The following MYO1E variants were observed in gnomAD, a reference collection of about 807,000 sequenced individuals.
MYO1E encodes the protein myosin IE, also known as unconventional myosin-Ie.
A neutral mutation model predicts 151.1 loss-of-function variants in MYO1E; 68 were observed. That is an observed-to-expected ratio of 0.45 (90% CI 0.37 to 0.55). The LOEUF (loss-of-function observed/expected upper bound fraction) is 0.55. Ranked by LOEUF, MYO1E falls within the 20% of genes least tolerant of loss-of-function variation. The pLI is 0.00. For missense variants in MYO1E, 1,363 were observed against 1,389.3 expected (o/e 0.98, Z 0.30); for synonymous variants, 601 against 501.7 (o/e 1.20, Z -2.64).
chr15:59,205,601 G>T (rs2079828706), intron 14 of MYO1E, 116 bp from the exon 15 acceptor site: 2 of 908,908 alleles, frequency 2.2e-6, no homozygotes, highest in African/African-American at 1.6e-5. Flanking sequence ...AGCTGTCATG[G>T]CTACCCTCAC....
At chr15:59,315,732 A>G (rs182750190) in intron 1 of MYO1E, among the ~76,000 whole-genome samples, 1 of 152,192 alleles carries the variant, frequency 6.6e-6, no homozygotes, top group Non-Finnish European at 1.5e-5. Context: ...AAATGATCAC[A>G]TTAACCTCTT....
chr15:59,304,182 C>A (rs187174106), intron 1 of MYO1E, among the ~76,000 whole-genome samples: 4 of 152,154 alleles, frequency 2.6e-5, no homozygotes, highest in Admixed American at 6.5e-5. Context: ...GAGGTTTCAC[C>A]ATGTTGGTCA....
chr15:59,324,027 A>T (rs1372379725), intron 1 of MYO1E, among the ~76,000 whole-genome samples: 11 of 152,106 alleles, frequency 7.2e-5, no homozygotes, highest in Admixed American at 7.2e-4. Context: ...GAGATTCAAG[A>T]TCTAATCTGG....
At chr15:59,275,365 A>G (rs1183978257) in intron 1 of MYO1E, among the ~76,000 whole-genome samples, 4 of 152,074 alleles carry the variant, frequency 2.6e-5, no homozygotes, top group Non-Finnish European at 4.4e-5. Flanking sequence ...AATAGGTCAC[A>G]TATCAGTTTC....
chr15:59,321,808 T>C (rs1209109562), intron 1 of MYO1E, among the ~76,000 whole-genome samples: 2 of 150,088 alleles, frequency 1.3e-5, no homozygotes. Context: ...GCCCAGGAGG[T>C]TGAGCCGAGA....
chr15:59,227,625 G>C lies in MYO1E; in HGVS notation c.511-35C>G, dbSNP rs762176094. 4 of 1,612,948 alleles carry C rather than the reference G, an allele frequency of 2.5e-6. No homozygotes were observed. In the East Asian group the frequency reaches 6.7e-5, roughly 27 times the overall value. On this transcript the variant is annotated intron_variant, in intron 6 of 27. Transcript: ENST00000288235. ...AGTTAGGGATTTCCTTCAATGGTTG[G>C]TGAACAAAACATGATGTCCCAAACA...
At chr15:59,166,421 A>C (rs1172356466) in intron 22 of MYO1E, among the ~76,000 whole-genome samples, 3 of 152,062 alleles carry the variant, frequency 2.0e-5, no homozygotes, top group Non-Finnish European at 4.4e-5. Flanking sequence ...TTGTTTTTTT[A>C]TTCCTCTGTC....
intron 1 of MYO1E, among the ~76,000 whole-genome samples, chr15:59,320,054 C>T (rs1281370901): frequency 6.6e-6 from 1 of 152,130 alleles, no homozygotes; most frequent in African/African-American, 2.4e-5. Flanking sequence ...TGAGCCAAAT[C>T]AAGAATGCAA....
intron 19 of MYO1E, among the ~76,000 whole-genome samples, chr15:59,175,671 T>C (rs539422832): frequency 1.3e-5 from 2 of 152,314 alleles, no homozygotes; most frequent in East Asian, 1.9e-4. Context: ...TGTAAGAATA[T>C]CCATTGATAT....
At chr15:59,200,028 C>G (rs1349190871) in intron 16 of MYO1E, among the ~76,000 whole-genome samples, 1 of 152,174 alleles carries the variant, frequency 6.6e-6, no homozygotes, top group Admixed American at 6.5e-5. Flanking sequence ...CTTGACCTCC[C>G]TAGACAAGGG....
In MYO1E at chr15:59,259,028, C is replaced by G. The variant is rs148438472; in HGVS notation, c.237+2392G>C. 3.0e-3 allele frequency among the ~76,000 whole-genome samples: 454 copies of G among 151,706 alleles called. 2 individuals carry two copies. The highest frequency in any genetic ancestry group is 0.01 in the African/African-American group (429 of 41,492). On this transcript the variant is annotated intron_variant, in intron 3 of 27. Transcript: ENST00000288235. ...CCCAGGCTGGTCTTGAACTCCTGGG[C>G]TCCAGTGATCCTCCCACCTTGGCTT...
chr15:59,206,582 T>C (rs2079835502), intron 14 of MYO1E: 1 of 231,476 alleles, frequency 4.3e-6, no homozygotes, highest in Non-Finnish European at 8.4e-6. Flanking sequence ...CTTATTTTCA[T>C]CTGTAGTTAA....
In MYO1E at chr15:59,209,051, C is replaced by T. The variant is rs190159373; in HGVS notation, c.1363-203G>A. On this transcript the variant is annotated intron_variant, in intron 13 of 27. Coordinates refer to ENST00000288235, the MANE Select transcript of MYO1E (RefSeq NM_004998.4). ...AGATCTAAAGAGGGAGGAAACTCCA[C>T]TTTCCAAAAAGCTGTTTAACTCCCT... is the stretch of plus-strand genomic sequence containing the variant. The T allele has an allele frequency of 2.9e-5, 19 of 650,892 alleles. No homozygotes were observed. In the East Asian group the frequency reaches 5.3e-4, roughly 18 times the overall value. The allele number at this position is 650,892 out of a possible 1,614,324, so 40.3% of individuals were successfully genotyped here.
At chr15:59,291,682 T>TAAA (rs1182076268) in intron 1 of MYO1E, among the ~76,000 whole-genome samples, 52 of 7,808 alleles carry the variant, frequency 6.7e-3, no homozygotes, top group Non-Finnish European at 0.011. Flanking sequence ...CTAAAAATAC[T>TAAA]AAAAAAAAAA....
chr15:59,370,418 A>G (rs1484324099), intron 1 of MYO1E, among the ~76,000 whole-genome samples: 3 of 152,274 alleles, frequency 2.0e-5, no homozygotes, highest in African/African-American at 4.8e-5. Flanking sequence ...CTCTGGATCC[A>G]GTAGATCTAT....
intron 1 of MYO1E, among the ~76,000 whole-genome samples, chr15:59,299,378 G>A (rs762337214): frequency 2.0e-5 from 3 of 152,136 alleles, no homozygotes; most frequent in Admixed American, 6.5e-5. Flanking sequence ...TTAAATAGCC[G>A]CCGCACTCTT....
intron 18 of MYO1E, among the ~76,000 whole-genome samples, chr15:59,185,068 G>A (rs2079687582): frequency 6.6e-6 from 1 of 152,146 alleles, no homozygotes; most frequent in African/African-American, 2.4e-5. Flanking sequence ...ATGCCTGTCT[G>A]CCATCAGCAT....
chr15:59,345,328 T>A (rs1372091976), intron 1 of MYO1E, among the ~76,000 whole-genome samples: 1 of 151,970 alleles, frequency 6.6e-6, no homozygotes, highest in African/African-American at 2.4e-5. Context: ...GTATCAGGAC[T>A]GAGAGTTTAA....
At chr15:59,186,113 T>C (rs1448682085) in intron 18 of MYO1E, among the ~76,000 whole-genome samples, 2 of 152,220 alleles carry the variant, frequency 1.3e-5, no homozygotes, top group East Asian at 3.8e-4. Flanking sequence ...ATAGTCCTGC[T>C]TACACTATAG....
Sources: allele counts gnomAD v4.1 joint callset (sites outside exome capture counted in the v4.1 genomes callset), GRCh38; gene constraint gnomAD v4.1.1; transcripts MANE v1.5; gene names NCBI Gene and HGNC (gene_info 2026-07-23, HGNC 2026-07-21).